NAALADL2: variants seen among roughly 807,000 people sequenced by gnomAD.
The protein encoded by NAALADL2 is N-acetylated alpha-linked acidic dipeptidase like 2.
Under a neutral mutation model 87.2 loss-of-function variants are expected in NAALADL2, and 76 were observed. The observed-to-expected ratio is 0.87, with a 90% CI of 0.72 to 1.05. NAALADL2 has a LOEUF of 1.05. NAALADL2 is among the 50% of genes least tolerant of loss of function. NAALADL2 has a pLI of 0.00. For synonymous variants in NAALADL2, 354 were observed against 331.0 expected, an observed-to-expected ratio of 1.07 and a Z score of -0.75; for missense variants, 1,089 against 945.8, an observed-to-expected ratio of 1.15 and a Z score of -1.99.
intron 2 of NAALADL2, among the ~76,000 whole-genome samples, chr3:175,152,322 C>T (rs1364328206): frequency 1.3e-5 from 2 of 151,932 alleles, no homozygotes; most frequent in Admixed American, 6.6e-5. Context: ...GGTAAATCAA[C>T]CTAATACAAA....
intron 3 of NAALADL2, among the ~76,000 whole-genome samples, chr3:174,831,917 TG>T (rs1475166241): frequency 1.3e-5 from 2 of 151,508 alleles, no homozygotes; most frequent in Non-Finnish European, 3.0e-5. Flanking sequence ...TAGTATTCTC[TG>T]ATGGTAGTTT....
intron 2 of NAALADL2, among the ~76,000 whole-genome samples, chr3:174,687,468 G>A (rs544582278): frequency 2.4e-4 from 37 of 151,946 alleles, no homozygotes; most frequent in Admixed American, 1.4e-3. Context: ...GAGGTGATTC[G>A]CTTACAATAT....
intron 1 of NAALADL2, among the ~76,000 whole-genome samples, chr3:174,991,919 AGAG>A (rs2108718676): frequency 6.6e-6 from 1 of 152,206 alleles, no homozygotes; most frequent in East Asian, 1.9e-4. Flanking sequence ...AGGAGTTTTC[AGAG>A]GAGATGTGGA....
intron 2 of NAALADL2, among the ~76,000 whole-genome samples, chr3:174,661,344 T>C (rs1389005447): frequency 6.6e-6 from 1 of 152,166 alleles, no homozygotes; most frequent in African/African-American, 2.4e-5. Flanking sequence ...AAAGAAGAAC[T>C]GTTTGAAGAA....
intron 1 of NAALADL2, among the ~76,000 whole-genome samples, chr3:174,467,135 G>C (rs555834021): frequency 2.0e-5 from 3 of 152,092 alleles, no homozygotes; most frequent in Non-Finnish European, 2.9e-5. Context: ...TTGCTAATGG[G>C]AGTAAAAAGT....
intron 2 of NAALADL2, among the ~76,000 whole-genome samples, chr3:175,097,847 G>A (rs560252874): frequency 5.9e-5 from 9 of 152,142 alleles, no homozygotes; most frequent in African/African-American, 2.2e-4. Flanking sequence ...GCAAGATGAG[G>A]TATTTGCATA....
At chr3:175,545,245 G>A (rs150027289) in intron 9 of NAALADL2, among the ~76,000 whole-genome samples, 47 of 152,190 alleles carry the variant, frequency 3.1e-4, no homozygotes, top group African/African-American at 1.1e-3. Context: ...AGGTCCAATG[G>A]CCCAAACAGC....
chr3:174,517,157 A>ATT (rs911618501), intron 1 of NAALADL2, among the ~76,000 whole-genome samples: 30 of 151,954 alleles, frequency 2.0e-4, no homozygotes, highest in African/African-American at 6.3e-4. Context: ...ATAAGAGAAA[A>ATT]TTAACACAGT....
rs138724653 is a variant in NAALADL2 at position 174,770,437 on chromosome 3, G to T, written c.-9+32691G>T. ...TCTGTTACTTCTCATTTGTGAATAG[G>T]TATGATTGGTAATCTTTTATAGGTT... On this transcript the variant is annotated intron_variant, in intron 3 of 3. Coordinates refer to the NAALADL2 transcript ENST00000434257. Among the ~76,000 whole-genome samples the T allele has an allele frequency of 2.8e-4, 42 of 152,264 alleles. No individual in the cohort carries two copies. The East Asian group carries it at 5.4e-3, about 20-fold the overall frequency.
At chr3:175,584,180 G>A (rs1720207364) in intron 10 of NAALADL2, among the ~76,000 whole-genome samples, 1 of 151,998 alleles carries the variant, frequency 6.6e-6, no homozygotes, top group South Asian at 2.1e-4. Flanking sequence ...TGGGATTACA[G>A]GCATGCACCA....
intron 1 of NAALADL2, among the ~76,000 whole-genome samples, chr3:174,978,585 A>C (rs9820882): frequency 0.14 from 20,679 of 152,182 alleles, 3,630 homozygotes; most frequent in African/African-American, 0.41. Flanking sequence ...TTGATTAATC[A>C]TGCCCTTTTA....
At chr3:174,740,274 A>T in intron 3 of NAALADL2, among the ~76,000 whole-genome samples, 1 of 151,956 alleles carries the variant, frequency 6.6e-6, no homozygotes, top group East Asian at 1.9e-4. Flanking sequence ...AAATTAACAC[A>T]AGCATCTAGA....
intron 5 of NAALADL2, among the ~76,000 whole-genome samples, chr3:175,377,081 A>G (rs1767220952): frequency 6.6e-6 from 1 of 152,056 alleles, no homozygotes. Flanking sequence ...GGGAGACCCA[A>G]GCAGGCAGAT....
intron 3 of NAALADL2, among the ~76,000 whole-genome samples, chr3:174,773,703 C>A (rs984234547): frequency 2.0e-5 from 3 of 152,068 alleles, no homozygotes; most frequent in Non-Finnish European, 1.5e-5. Context: ...AGCTTTCCAT[C>A]AACACTTATT....
intron 2 of NAALADL2, among the ~76,000 whole-genome samples, chr3:174,648,312 A>G (rs1376880705): frequency 1.3e-5 from 2 of 151,754 alleles, no homozygotes; most frequent in Non-Finnish European, 2.9e-5. Flanking sequence ...AACAAGAGTG[A>G]AACTCTGCCT....
At chr3:175,477,644 A>G (rs1211108984) in intron 9 of NAALADL2, among the ~76,000 whole-genome samples, 1 of 152,096 alleles carries the variant, frequency 6.6e-6, no homozygotes, top group Non-Finnish European at 1.5e-5. Flanking sequence ...AAAGACTTCT[A>G]TCTGCTACTG....
At chr3:174,550,571 G>T (rs988682760) in exon 2 of NAALADL2, 6 of 151,728 alleles carry the variant, frequency 4.0e-5, no homozygotes, top group African/African-American at 1.2e-4. Context: ...TTTTTTAGGA[G>T]GCTGAGGGAA....
intron 4 of NAALADL2, among the ~76,000 whole-genome samples, chr3:175,275,839 A>C (rs1038185658): frequency 2.0e-5 from 3 of 150,602 alleles, no homozygotes; most frequent in Non-Finnish European, 1.5e-5. Context: ...ATTATTATTA[A>C]TATAATAATT....
chr3:174,904,538 A>G (rs1732744099), intron 1 of NAALADL2, among the ~76,000 whole-genome samples: 1 of 151,496 alleles, frequency 6.6e-6, no homozygotes, highest in African/African-American at 2.4e-5. Flanking sequence ...AATTGCACAG[A>G]AAGTCTACTA....
Sources: gnomAD v4.1 joint callset for allele counts (sites outside exome capture counted in the v4.1 genomes callset) on GRCh38, gnomAD v4.1.1 for gene constraint, MANE v1.5 for transcripts, NCBI Gene and HGNC (gene_info 2026-07-23, HGNC 2026-07-21) for gene names.